CTNNA2: variants seen among roughly 807,000 people sequenced by gnomAD.
CTNNA2 encodes catenin alpha 2.
In CTNNA2, 42 loss-of-function variants were observed where a neutral mutation model predicts 101.0. The ratio of observed to expected loss-of-function variants is 0.42; its 90% CI spans 0.32 to 0.54. The LOEUF (loss-of-function observed/expected upper bound fraction) is 0.54. Ranked by LOEUF, CTNNA2 falls within the 20% of genes least tolerant of loss-of-function variation. The pLI is 0.14. For synonymous variants in CTNNA2, 450 were observed against 456.4 expected (o/e 0.99, Z 0.18); for missense variants, 871 against 1,223.1 (o/e 0.71, Z 4.29).
At chr2:80,498,205 C>T (rs1456989639) in intron 9 of CTNNA2, among the ~76,000 whole-genome samples, 1 of 152,186 alleles carries the variant, frequency 6.6e-6, no homozygotes, top group African/African-American at 2.4e-5. Context: ...AAAGACTTCT[C>T]CGCCTCCCAT....
chr2:80,544,913 C>A, intron 9 of CTNNA2, 69 bp from the exon 10 acceptor site: 1 of 1,338,896 alleles, frequency 7.5e-7, no homozygotes, highest in South Asian at 1.3e-5. Flanking sequence ...AGAGAAGGTC[C>A]AAGGCGGAGC....
chr2:79,465,164 A>G (rs367889587), intron 4 of CTNNA2, among the ~76,000 whole-genome samples: 2 of 152,072 alleles, frequency 1.3e-5, no homozygotes, highest in Non-Finnish European at 2.9e-5. Context: ...TTTTGTATAA[A>G]GTGTAAGGAA....
At chr2:80,609,060 C>G (rs1698250933) in intron 17 of CTNNA2, among the ~76,000 whole-genome samples, 1 of 151,774 alleles carries the variant, frequency 6.6e-6, no homozygotes. Context: ...ACCCCTTTCT[C>G]TCAACACAGG....
chr2:79,999,249 C>A (rs1692763878), intron 7 of CTNNA2, among the ~76,000 whole-genome samples: 2 of 150,764 alleles, frequency 1.3e-5, no homozygotes, highest in African/African-American at 4.8e-5. Flanking sequence ...TGGTGCAGCC[C>A]TAAGGTGTCT....
chr2:80,593,286 C>T (rs216636), intron 15 of CTNNA2, among the ~76,000 whole-genome samples: 19,191 of 151,928 alleles, frequency 0.13, 1,341 homozygotes, highest in East Asian at 0.19. Context: ...TTGTCTTCCA[C>T]GGATAGGAAG....
chr2:79,812,499 A>C (rs1677125063), intron 3 of CTNNA2, among the ~76,000 whole-genome samples: 1 of 152,198 alleles, frequency 6.6e-6, no homozygotes, highest in Non-Finnish European at 1.5e-5. Context: ...CACAATGATC[A>C]CAGTAAAAGG....
At chr2:79,852,417 C>G (rs969185778) in intron 3 of CTNNA2, among the ~76,000 whole-genome samples, 2 of 152,172 alleles carry the variant, frequency 1.3e-5, no homozygotes, top group African/African-American at 4.8e-5. Context: ...CTTTTCATGT[C>G]TTAATCTGCT....
At chr2:80,432,255 A>T (rs1018065600) in intron 9 of CTNNA2, among the ~76,000 whole-genome samples, 1 of 152,206 alleles carries the variant, frequency 6.6e-6, no homozygotes, top group South Asian at 2.1e-4. Context: ...ATGTGCGAGT[A>T]TGTGTGTTAG....
intron 7 of CTNNA2, among the ~76,000 whole-genome samples, chr2:79,941,139 C>T (rs961992739): frequency 1.3e-5 from 2 of 152,194 alleles, no homozygotes; most frequent in Non-Finnish European, 2.9e-5. Context: ...TCGTGTTTGA[C>T]TTTTATTCCC....
At chr2:80,365,129 GGTT>G (rs1298329809) in intron 7 of CTNNA2, among the ~76,000 whole-genome samples, 4 of 152,026 alleles carry the variant, frequency 2.6e-5, no homozygotes, top group African/African-American at 7.3e-5. Flanking sequence ...ATCTATTTGG[GGTT>G]GTTGTCACCA....
At chr2:80,512,682 TTTTTG>T (rs565755160) in intron 9 of CTNNA2, among the ~76,000 whole-genome samples, 83 of 152,184 alleles carry the variant, frequency 5.5e-4, no homozygotes, top group Middle Eastern at 3.4e-3. Flanking sequence ...AAATTCTTTT[TTTTTG>T]TTTGTTTGTT....
intron 9 of CTNNA2, among the ~76,000 whole-genome samples, chr2:80,494,916 C>T (rs922316201): frequency 1.3e-5 from 2 of 152,038 alleles, no homozygotes; most frequent in African/African-American, 4.8e-5. Context: ...TCAGATATGG[C>T]GTAATTTTCC....
In CTNNA2 at chr2:79,755,327, T is replaced by C. The variant is rs149012661; in HGVS notation, c.298+10745T>C. Among the ~76,000 whole-genome samples the C allele has an allele frequency of 5.9e-3, 900 of 152,170 alleles. 7 individuals carry two copies. The highest frequency in any genetic ancestry group is 0.02 in the African/African-American group (843 of 41,528). On this transcript the variant is annotated intron_variant, in intron 3 of 18. Transcript: ENST00000402739. ...GCCTAAGTGACAAAGCAAGAGCAAA[T>C]GATACAGTTTGAGTAATGTAATAAA...
At chr2:79,870,707 G>C (rs960152418) in intron 5 of CTNNA2, among the ~76,000 whole-genome samples, 14 of 152,182 alleles carry the variant, frequency 9.2e-5, no homozygotes, top group African/African-American at 2.9e-4. Flanking sequence ...GGAAGGGGAA[G>C]TAGGCGCCTT....
rs558929730 is a variant in CTNNA2, at chr2:79,482,632, T to C, written c.-134-22422T>C. 2.6e-5 allele frequency among the ~76,000 whole-genome samples: 4 copies of C among 152,222 alleles called. No individual in the cohort carries two copies. The South Asian group carries it at 8.3e-4, about 32-fold the overall frequency. On this transcript the variant is annotated intron_variant, in intron 4 of 21. Coordinates refer to the CTNNA2 transcript ENST00000466387. ...TTCCAGTTCCTATCTCAGAACTCTA[T>C]TCAAAGAGGTAAAAAGCCTATTTTA...
At chr2:80,330,571 TGACAATCAGGCCGTTTAAGCCAGA>T (rs1671229670) in intron 7 of CTNNA2, among the ~76,000 whole-genome samples, 1 of 152,174 alleles carries the variant, frequency 6.6e-6, no homozygotes, top group South Asian at 2.1e-4. Flanking sequence ...GAAGGCAAGC[TGACAATCAGGCCGTTTAAGCCAGA>T]GTGAGTCTTA....
intron 9 of CTNNA2, among the ~76,000 whole-genome samples, chr2:80,499,241 A>G (rs1254835170): frequency 6.6e-6 from 1 of 152,202 alleles, no homozygotes; most frequent in Non-Finnish European, 1.5e-5. Context: ...ACCATATTTT[A>G]TAATTCTGAA....
At chr2:79,290,149 C>A (rs1329382297) in intron 2 of CTNNA2, among the ~76,000 whole-genome samples, 1 of 152,014 alleles carries the variant, frequency 6.6e-6, no homozygotes, top group Non-Finnish European at 1.5e-5. Flanking sequence ...TAATCCAGGC[C>A]CTGAACATAG....
At chr2:79,261,628 CAG>C (rs1422066778) in intron 2 of CTNNA2, among the ~76,000 whole-genome samples, 1 of 152,206 alleles carries the variant, frequency 6.6e-6, no homozygotes, top group Non-Finnish European at 1.5e-5. Context: ...TGCCTGCACA[CAG>C]AGAGGGCAAG....
Sources: gnomAD v4.1 joint callset for allele counts (sites outside exome capture counted in the v4.1 genomes callset) on GRCh38, gnomAD v4.1.1 for gene constraint, MANE v1.5 for transcripts, NCBI Gene and HGNC (gene_info 2026-07-23, HGNC 2026-07-21) for gene names.